TRAF3IP1: variants seen among roughly 807,000 people sequenced by gnomAD.
TRAF3IP1 encodes TRAF3-interacting protein 1.
A neutral mutation model predicts 89.9 loss-of-function variants in TRAF3IP1; 53 were observed. The ratio of observed to expected loss-of-function variants is 0.59; its 90% CI spans 0.47 to 0.74. TRAF3IP1 has a LOEUF of 0.74. TRAF3IP1 is among the 30% of genes least tolerant of loss of function. TRAF3IP1 has a pLI of 0.00. For synonymous variants in TRAF3IP1, 311 were observed against 322.1 expected, an observed-to-expected ratio of 0.97 and a Z score of 0.37; for missense variants, 806 against 866.1, an observed-to-expected ratio of 0.93 and a Z score of 0.87.
intron 15 of TRAF3IP1, among the ~76,000 whole-genome samples, chr2:238,365,633 G>T (rs1463387211): frequency 6.6e-6 from 1 of 151,908 alleles, no homozygotes; most frequent in East Asian, 1.9e-4. Context: ...ACTCCAGACT[G>T]GGTGATAGTG....
At chr2:238,342,892 G>A (rs1461161898) in intron 8 of TRAF3IP1, among the ~76,000 whole-genome samples, 1 of 152,114 alleles carries the variant, frequency 6.6e-6, no homozygotes, top group Non-Finnish European at 1.5e-5. Flanking sequence ...GTTAATGTCA[G>A]GTTGATTCTG....
intron 10 of TRAF3IP1, 23 bp downstream of exon 10, chr2:238,347,498 T>C: frequency 6.2e-7 from 1 of 1,613,386 alleles, no homozygotes; most frequent in South Asian, 1.1e-5. Flanking sequence ...CTTAGATACC[T>C]GTGTGTCATA....
intron 3 of TRAF3IP1, among the ~76,000 whole-genome samples, chr2:238,327,772 A>G (rs1289666340): frequency 6.6e-6 from 1 of 151,906 alleles, no homozygotes; most frequent in African/African-American, 2.4e-5. Context: ...GGCACCCTCC[A>G]TTCTACTTTC....
rs1422381217 is a variant in TRAF3IP1, at chr2:238,345,082, G to A, written c.1261+484G>A. On this transcript the variant is annotated intron_variant, in intron 9 of 16. Coordinates refer to ENST00000373327, the MANE Select transcript of TRAF3IP1 (RefSeq NM_015650.4). The surrounding 1 kb of genome is among the most constrained non-coding windows in gnomAD (Gnocchi z 4.7). ...GGTAAAATAGCCATTCAATGTTTGTGTTTTGAGGCCTTGGAGCTCCTAACA... is the reference window on the plus strand; with the variant it reads ...GGTAAAATAGCCATTCAATGTTTGTATTTTGAGGCCTTGGAGCTCCTAACA... 2.6e-5 allele frequency among the ~76,000 whole-genome samples: 4 copies of A among 152,216 alleles called. No homozygotes were observed. Among genetic ancestry groups the A allele is most frequent in the Admixed American group, 2.6e-4 (4 of 15,284 alleles).
At chr2:238,381,619 T>C (rs1277952955) in intron 15 of TRAF3IP1, among the ~76,000 whole-genome samples, 1 of 152,324 alleles carries the variant, frequency 6.6e-6, no homozygotes, top group East Asian at 1.9e-4. Flanking sequence ...AAAGTTCCCT[T>C]GTAGACACCA....
intron 15 of TRAF3IP1, among the ~76,000 whole-genome samples, chr2:238,387,088 C>T (rs907944794): frequency 1.3e-5 from 2 of 152,186 alleles, no homozygotes; most frequent in African/African-American, 4.8e-5. Context: ...AGGCGTTACA[C>T]CCATTTGCTA....
At chr2:238,387,281 C>A (rs958582294) in intron 15 of TRAF3IP1, among the ~76,000 whole-genome samples, 1 of 152,192 alleles carries the variant, frequency 6.6e-6, no homozygotes, top group African/African-American at 2.4e-5. Flanking sequence ...GTAAGTAATT[C>A]GTCTAATGAG....
chr2:238,369,977 T>G (rs1228305004), intron 15 of TRAF3IP1, among the ~76,000 whole-genome samples: 1 of 152,124 alleles, frequency 6.6e-6, no homozygotes, highest in Non-Finnish European at 1.5e-5. Context: ...GCGCCCAGCA[T>G]TCTTTGAGCT....
chr2:238,378,748 G>C (rs1700424113), intron 15 of TRAF3IP1, among the ~76,000 whole-genome samples: 1 of 152,126 alleles, frequency 6.6e-6, no homozygotes, highest in Admixed American at 6.5e-5. Flanking sequence ...TGGGTTAAGG[G>C]AACTTTGAGG....
At chr2:238,356,174 A>G in intron 15 of TRAF3IP1, 94 bp downstream of exon 15, 11 of 982,132 alleles carry the variant, frequency 1.1e-5, no homozygotes, top group Non-Finnish European at 3.2e-6. Flanking sequence ...CAATATTACC[A>G]TTATCAGTGA....
At chr2:238,352,800 A>G (rs1699231640) in intron 12 of TRAF3IP1, 27 bp from the exon 13 acceptor site, 2 of 1,587,738 alleles carry the variant, frequency 1.3e-6, no homozygotes, top group Admixed American at 3.7e-5. Flanking sequence ...GTGTAATTCT[A>G]ATTTAATCTA....
At chr2:238,377,601 A>T (rs1700375102) in intron 15 of TRAF3IP1, among the ~76,000 whole-genome samples, 1 of 152,148 alleles carries the variant, frequency 6.6e-6, no homozygotes, top group Non-Finnish European at 1.5e-5. Flanking sequence ...TCCACTGTTA[A>T]GAGTCTAGTT....
At chr2:238,353,247 G>A (rs1296808990) in intron 14 of TRAF3IP1, 38 bp downstream of exon 14, 1 of 1,611,506 alleles carries the variant, frequency 6.2e-7, no homozygotes, top group South Asian at 1.1e-5. Flanking sequence ...ATGTCCATGT[G>A]TGTGTGCTCA....
intron 15 of TRAF3IP1, among the ~76,000 whole-genome samples, chr2:238,397,194 A>G (rs1701263658): frequency 6.6e-6 from 1 of 152,186 alleles, no homozygotes; most frequent in Non-Finnish European, 1.5e-5. Context: ...ATTTCCAGGT[A>G]AAGACAGACC....
At chr2:238,375,745 C>T (rs1700286687) in intron 15 of TRAF3IP1, among the ~76,000 whole-genome samples, 1 of 152,104 alleles carries the variant, frequency 6.6e-6, no homozygotes, top group South Asian at 2.1e-4. Flanking sequence ...TCAATCTTTT[C>T]TCTTATGGTT....
Position 238,344,812 on chromosome 2 carries a change from G to A in TRAF3IP1, c.1261+214G>A, listed in dbSNP as rs187235563. The A allele has an allele frequency of 2.6e-5, 17 of 662,782 alleles. No individual in the cohort carries two copies. The East Asian group carries it at 3.8e-4, about 15-fold the overall frequency. The allele number at this position is 662,782 out of a possible 1,614,324, so 41.1% of individuals were successfully genotyped here. ...ATGGGACCCACTCGTGTGCTCCCCC[G>A]TGCTCTGTAAGTGAGAGGAGGTGGC... On this transcript the variant is annotated intron_variant, in intron 9 of 16. Coordinates refer to ENST00000373327, the MANE Select transcript of TRAF3IP1 (RefSeq NM_015650.4).
At position 238,353,257 on chromosome 2, in the gene TRAF3IP1, A is replaced by G. The variant is rs1464367607; in HGVS notation, c.1612+48A>G. On this transcript the variant is annotated intron_variant, in intron 14 of 16. Transcript: ENST00000373327. The stretch of plus-strand genomic sequence containing the variant: ...CATGTATGTCCATGTGTGTGTGCTC[A>G]TGCACCTTCTCCACGTGGGCCTGGA... The G allele has an allele frequency of 2.5e-6, 4 of 1,604,518 alleles. No homozygotes were observed. The African/African-American group carries it at 4.0e-5, about 16-fold the overall frequency.
At chr2:238,324,392 T>C (rs1400967490) in intron 1 of TRAF3IP1, among the ~76,000 whole-genome samples, 1 of 152,086 alleles carries the variant, frequency 6.6e-6, no homozygotes, top group Admixed American at 6.6e-5. Context: ...TTTTGGAATC[T>C]GTTCCCTCCA....
chr2:238,341,930 G>T (rs991619192), intron 8 of TRAF3IP1, among the ~76,000 whole-genome samples: 3 of 152,102 alleles, frequency 2.0e-5, no homozygotes, highest in African/African-American at 7.2e-5. Context: ...CTAGAAAACA[G>T]ATTGTGCTTA....
Sources: allele counts gnomAD v4.1 joint callset (sites outside exome capture counted in the v4.1 genomes callset), GRCh38; gene constraint gnomAD v4.1.1; non-coding constraint Gnocchi (gnomAD v3.1); transcripts MANE v1.5; gene names NCBI Gene and HGNC (gene_info 2026-07-23, HGNC 2026-07-21).